The following SETX variants were observed in gnomAD, a reference collection of about 807,000 sequenced individuals.
SETX encodes senataxin.
In SETX, 90 loss-of-function variants were observed where a neutral mutation model predicts 227.2. The ratio of observed to expected loss-of-function variants is 0.40; its 90% CI spans 0.33 to 0.47. The LOEUF (loss-of-function observed/expected upper bound fraction) is 0.47. Among genes scored for constraint, SETX ranks in the 20% least tolerant of loss-of-function variants. SETX has a pLI of 0.91. For missense variants in SETX, 3,052 were observed against 3,181.5 expected (o/e 0.96, Z 0.98); for synonymous variants, 1,210 against 1,113.2 (o/e 1.09, Z -1.73).
chr9:132,274,179 A>C (rs917312658), intron 23 of SETX, among the ~76,000 whole-genome samples: 1 of 151,946 alleles, frequency 6.6e-6, no homozygotes, highest in African/African-American at 2.4e-5. Flanking sequence ...TCAGTTTGTC[A>C]CTATTTTGTT....
chr9:132,337,911 C>T (rs753039244), intron 5 of SETX, among the ~76,000 whole-genome samples: 15 of 152,076 alleles, frequency 9.9e-5, no homozygotes, highest in Non-Finnish European at 1.8e-4. Flanking sequence ...TGGGACAGCA[C>T]CTTCACCGAA....
At chr9:132,284,763 C>T (rs1589641902) in intron 18 of SETX, among the ~76,000 whole-genome samples, 1 of 152,176 alleles carries the variant, frequency 6.6e-6, no homozygotes, top group Admixed American at 6.5e-5. Flanking sequence ...CCCACCATCA[C>T]TCTACTTCTA....
intron 15 of SETX, among the ~76,000 whole-genome samples, chr9:132,292,274 T>C (rs796351859): frequency 2.0e-5 from 3 of 151,536 alleles, no homozygotes; most frequent in African/African-American, 7.2e-5. Context: ...ACAACAAAAA[T>C]TTAAAAATTA....
In SETX at chr9:132,354,942, A is replaced by T. The variant is rs1181301137; in HGVS notation, c.-140T>A. 2 of 152,222 alleles carry T rather than the reference A, an allele frequency of 1.3e-5. No homozygotes were observed. Among genetic ancestry groups the T allele is most frequent in the Non-Finnish European group, 2.9e-5 (2 of 68,154 alleles). 9.4% of individuals were successfully genotyped at this position (152,222 alleles called of 1,614,324 possible). A position where few individuals can be genotyped will look rare whatever the true frequency, so the allele number is the denominator to read the frequency against. ...CGCTCTCTGGCTGGCGTCGGCCTCT[A>T]GCCCACCTCCATACCGGGCCCCGCT... On this transcript the variant is annotated 5_prime_UTR_variant, in exon 1 of 26. It removes the in-frame stop codon of an upstream open reading frame in the 5' UTR. Transcript: ENST00000224140.
At chr9:132,280,075 C>G (rs1431864454) in intron 20 of SETX, among the ~76,000 whole-genome samples, 1 of 152,144 alleles carries the variant, frequency 6.6e-6, no homozygotes, top group Non-Finnish European at 1.5e-5. Flanking sequence ...TAAACAGTGC[C>G]TGAATTATGG....
At position 132,326,470 on chromosome 9, in the gene SETX, A is replaced by G. The variant is rs1455578444; in HGVS notation, c.5128T>C (p.Tyr1710His). The G allele has an allele frequency of 1.2e-6, 2 of 1,614,230 alleles. No individual in the cohort carries two copies. Among genetic ancestry groups the G allele is most frequent in the Admixed American group, 3.3e-5 (2 of 60,024 alleles). ...TGACCAAAGTTCAAAAACATTTCAT[A>G]TTTCCATTTTAAGACCTCTTTAACG... ...TFVKEVLKWKYEMFLNFGQCG... is the reference protein window; with the variant it reads ...TFVKEVLKWKHEMFLNFGQCG... The change falls in exon 10 of 26, where the codon TAT (tyrosine) becomes CAT (histidine). Residue 1710 changes from tyrosine to histidine, a missense_variant. Physicochemically the swap from Tyr to His is moderately conservative, Grantham distance 83 (BLOSUM62 2). This residue lies in a region of SETX where 1,483 missense variants were observed against 1,312.0 expected (regional missense o/e 1.13). Coordinates refer to ENST00000224140, the MANE Select transcript of SETX (RefSeq NM_015046.7).
rs36024203 is a variant in SETX, at chr9:132,329,382, C to T, written c.2216G>A (p.Gly739Glu). 6.1e-4 allele frequency: 980 copies of T among 1,613,892 alleles called. 4 individuals are homozygous for T. In the African/African-American group the frequency reaches 0.011, roughly 18 times the overall value. The part of the protein sequence containing the change: ...RNGPERGCDR[G>E]IIVSTRLLTD... The stretch of plus-strand genomic sequence containing the variant: ...CAACAAACGTGTTGATACTATTATT[C>T]CTCTGTCACATCCCCTTTCTGGACC... The change falls in exon 10 of 26, where the codon GGA (glycine) becomes GAA (glutamate). Residue 739 changes from glycine to glutamate, a missense_variant. Physicochemically the swap from Gly to Glu is moderately conservative, Grantham distance 98 (BLOSUM62 -2). Transcript: ENST00000224140.
chr9:132,341,216 T>C (rs1244377915), intron 5 of SETX, among the ~76,000 whole-genome samples: 1 of 152,022 alleles, frequency 6.6e-6, no homozygotes, highest in African/African-American at 2.4e-5. Flanking sequence ...AGACTCTGTC[T>C]CAAAAAATAA....
At chr9:132,276,508 C>T (rs889192090) in intron 22 of SETX, among the ~76,000 whole-genome samples, 6 of 152,166 alleles carry the variant, frequency 3.9e-5, no homozygotes, top group Admixed American at 2.6e-4. Context: ...CACTTGTATC[C>T]GTGCCAACAA....
At position 132,349,361 on chromosome 9, in the gene SETX, G is replaced by T; in HGVS notation, c.68C>A (p.Ser23Tyr). The T allele has an allele frequency of 6.2e-7, 1 of 1,614,186 alleles. No homozygotes were observed. The highest frequency in any genetic ancestry group is 8.5e-7 in the Non-Finnish European group (1 of 1,180,040). Residue 23 changes from serine (S) to tyrosine (Y), a missense_variant, in exon 3 of 26, where the codon TCC (serine) becomes TAC (tyrosine). Around this residue, in one of 10 missense-constraint regions of SETX, gnomAD observed 152 missense variants for 156.2 expected, o/e 0.97. Transcript: ENST00000224140. ...STIDFLKRYA[S>Y]NTPSGEFQTA... The stretch of plus-strand genomic sequence containing the variant: ...TTGAAATTCACCGGACGGAGTGTTG[G>T]AAGCATAGCGCTTTAGGAAGTCAAT...
At chr9:132,316,919 A>G (rs779445483) in intron 10 of SETX, among the ~76,000 whole-genome samples, 2 of 152,194 alleles carry the variant, frequency 1.3e-5, no homozygotes, top group Non-Finnish European at 2.9e-5. Context: ...ATTATAATAG[A>G]TTTTGCTTTT....
intron 25 of SETX, among the ~76,000 whole-genome samples, chr9:132,267,096 T>C (rs1429702354): frequency 6.6e-6 from 1 of 152,266 alleles, no homozygotes; most frequent in South Asian, 2.1e-4. Context: ...CACTGTGTCA[T>C]AGTCTAATAA....
At chr9:132,287,009 A>G (rs1004256543) in intron 17 of SETX, among the ~76,000 whole-genome samples, 6 of 152,218 alleles carry the variant, frequency 3.9e-5, no homozygotes, top group African/African-American at 1.4e-4. Flanking sequence ...CTCAGAAGAA[A>G]TGGCTGACAC....
rs1289366331 is a variant in SETX, at chr9:132,353,720, C to T, written c.-79G>A. On this transcript the variant is annotated 5_prime_UTR_variant, in exon 2 of 26. The change abolishes an upstream ATG in the 5' untranslated region. Coordinates refer to ENST00000224140, the MANE Select transcript of SETX (RefSeq NM_015046.7). ...TTGTGAACAAACACGGATTTGCATT[C>T]ATATATGCCCAGACTCTGGCCCCAA... The T allele has an allele frequency of 6.6e-6, 1 of 152,172 alleles. No individual in the cohort carries two copies. Among genetic ancestry groups the T allele is most frequent in the South Asian group, 2.1e-4 (1 of 4,832 alleles). The allele number at this position is 152,172 out of a possible 1,614,324, so 9.4% of individuals were successfully genotyped here.
Position 132,335,365 on chromosome 9 carries a change from TG to T in SETX, c.719-639del, listed in dbSNP as rs1251545400. 4.1e-3 allele frequency among the ~76,000 whole-genome samples: 430 copies of T among 104,728 alleles called. 3 individuals carry two copies. Among genetic ancestry groups the T allele is most frequent in the African/African-American group, 0.015 (393 of 26,590 alleles). The allele number at this position is 104,728 out of a possible 152,430, so 68.7% of individuals were successfully genotyped here. A position where few individuals can be genotyped will look rare whatever the true frequency, so the allele number is the denominator to read the frequency against. On this transcript the variant is annotated intron_variant, in intron 6 of 25. Transcript: ENST00000224140. Reference sequence around the variant, plus strand: ...GAGATCGCGCGACTGCACTCCAGCCTGGGCGACAGAGCAAGACTCCGTCTCA... The same window carrying T: ...GAGATCGCGCGACTGCACTCCAGCCTGGCGACAGAGCAAGACTCCGTCTCA...
chr9:132,278,361 A>G (rs1843291057), intron 20 of SETX, 104 bp from the exon 21 acceptor site: 1 of 1,102,002 alleles, frequency 9.1e-7, no homozygotes, highest in Non-Finnish European at 1.3e-6. Flanking sequence ...GGCAACGTTC[A>G]GGTAGCATAA....
intron 15 of SETX, among the ~76,000 whole-genome samples, chr9:132,294,766 G>C: frequency 6.6e-6 from 1 of 152,186 alleles, no homozygotes; most frequent in East Asian, 1.9e-4. Context: ...CCTGACCGCA[G>C]GTGCACTCGA....
chr9:132,285,689 G>A lies in SETX; in HGVS notation c.6396+734C>T, dbSNP rs543185276. Among the ~76,000 whole-genome samples the A allele has an allele frequency of 4.0e-5, 6 of 150,640 alleles. No individual in the cohort carries two copies. In the East Asian group the frequency reaches 1.2e-3, roughly 29 times the overall value. On this transcript the variant is annotated intron_variant, in intron 18 of 25. Transcript: ENST00000224140. Reference sequence around the variant, plus strand: ...AACGTCATGAGATGGAGACCATCCTGGCCAACATGGTGAAACCCCATCTCT... The same window carrying A: ...AACGTCATGAGATGGAGACCATCCTAGCCAACATGGTGAAACCCCATCTCT...
chr9:132,321,314 G>A (rs1056432931), intron 10 of SETX, among the ~76,000 whole-genome samples: 2 of 151,970 alleles, frequency 1.3e-5, no homozygotes, highest in Non-Finnish European at 1.5e-5. Context: ...GAGGTCAGGA[G>A]TTTGAGACCA....
Sources: gnomAD v4.1 joint callset for allele counts (sites outside exome capture counted in the v4.1 genomes callset) on GRCh38, gnomAD v4.1.1 for gene constraint, gnomAD v4.1.1 regional missense constraint, MANE v1.5 for transcripts, NCBI Gene and HGNC (gene_info 2026-07-23, HGNC 2026-07-21) for gene names.